NEDD4: variants seen among roughly 807,000 people sequenced by gnomAD.
The protein encoded by NEDD4 is E3 ubiquitin-protein ligase NEDD4.
NEDD4 carries 99 observed loss-of-function variants against 144.9 expected under a neutral mutation model. That is an observed-to-expected ratio of 0.68 (90% CI 0.58 to 0.81). The LOEUF is 0.81. Among genes scored for constraint, NEDD4 ranks in the 30% least tolerant of loss-of-function variants. NEDD4 has a pLI of 0.00. For missense variants in NEDD4, 985 were observed against 1,065.9 expected, an observed-to-expected ratio of 0.92 and a Z score of 1.06; for synonymous variants, 318 against 350.6, an observed-to-expected ratio of 0.91 and a Z score of 1.04.
intron 5 of NEDD4, among the ~76,000 whole-genome samples, chr15:55,879,897 G>A (rs561985464): frequency 1.3e-5 from 2 of 152,176 alleles, no homozygotes; most frequent in Non-Finnish European, 2.9e-5. Flanking sequence ...AGTCAACATC[G>A]AAATAATAGG....
chr15:55,946,197 G>A (rs1010325823), intron 4 of NEDD4, among the ~76,000 whole-genome samples: 4 of 152,150 alleles, frequency 2.6e-5, no homozygotes, highest in African/African-American at 7.2e-5. Context: ...CCCATTAAAA[G>A]ACACAGACTG....
At chr15:55,862,414 A>C (rs1324131032) in intron 9 of NEDD4, among the ~76,000 whole-genome samples, 1 of 152,176 alleles carries the variant, frequency 6.6e-6, no homozygotes, top group Non-Finnish European at 1.5e-5. Flanking sequence ...ATATGTTGAA[A>C]GTCATTCCGT....
chr15:55,852,615 C>T, intron 12 of NEDD4, 72 bp from the exon 13 acceptor site: 1 of 1,457,372 alleles, frequency 6.9e-7, no homozygotes, highest in Non-Finnish European at 9.4e-7. Context: ...CAAAAGTTCC[C>T]TCTGTCCCTA....
intron 19 of NEDD4, among the ~76,000 whole-genome samples, chr15:55,841,598 T>C (rs955602411): frequency 6.6e-6 from 1 of 152,160 alleles, no homozygotes; most frequent in Admixed American, 6.5e-5. Flanking sequence ...GTAACTTTTT[T>C]TTTTAGAGGA....
chr15:55,983,759 T>G (rs1169555574), intron 1 of NEDD4, among the ~76,000 whole-genome samples: 1 of 151,960 alleles, frequency 6.6e-6, no homozygotes, highest in Non-Finnish European at 1.5e-5. Flanking sequence ...TACAGGTATA[T>G]GCTACCATGC....
intron 5 of NEDD4, among the ~76,000 whole-genome samples, chr15:55,874,914 C>G (rs2034937283): frequency 6.6e-6 from 1 of 151,858 alleles, no homozygotes. Flanking sequence ...GCAGACGTTG[C>G]AGTGAGCCTG....
chr15:55,935,622 C>T (rs1004837616), intron 4 of NEDD4, among the ~76,000 whole-genome samples: 12 of 151,884 alleles, frequency 7.9e-5, no homozygotes, highest in South Asian at 2.1e-4. Flanking sequence ...CTGAGGCAGA[C>T]GGATCATGAG....
intron 1 of NEDD4, 84 bp downstream of exon 1, chr15:55,993,427 C>A (rs62045233): frequency 0.066 from 100,520 of 1,517,412 alleles, 3,770 homozygotes; most frequent in African/African-American, 0.16. Flanking sequence ...AGCCTCCGGT[C>A]GTGGCCGCCG....
chr15:55,852,371 G>A, intron 13 of NEDD4, 53 bp downstream of exon 13: 1 of 1,575,488 alleles, frequency 6.3e-7, no homozygotes, highest in South Asian at 1.2e-5. Flanking sequence ...GTTTACATAG[G>A]GATGTGACAG....
At chr15:55,855,354 C>G (rs1178022678) in intron 12 of NEDD4, among the ~76,000 whole-genome samples, 1 of 152,114 alleles carries the variant, frequency 6.6e-6, no homozygotes, top group South Asian at 2.1e-4. Flanking sequence ...TGCACACAGA[C>G]TCAGAAGCGG....
chr15:55,897,255 G>A (rs533807343), intron 5 of NEDD4, among the ~76,000 whole-genome samples: 1 of 152,190 alleles, frequency 6.6e-6, no homozygotes, highest in African/African-American at 2.4e-5. Context: ...TTACAGGCGT[G>A]AGCCACTGCG....
intron 16 of NEDD4, 26 bp downstream of exon 16, chr15:55,848,495 A>G (rs368765924): frequency 1.1e-5 from 17 of 1,613,038 alleles, no homozygotes; most frequent in East Asian, 6.7e-5. Flanking sequence ...AAAAAATAAC[A>G]TAATGAAAAA....
intron 2 of NEDD4, among the ~76,000 whole-genome samples, chr15:55,954,523 GT>G (rs2037301874): frequency 1.3e-5 from 2 of 149,606 alleles, no homozygotes; most frequent in Non-Finnish European, 3.0e-5. Context: ...GTGTTCAAGA[GT>G]TTTGCCTTTT....
At chr15:55,837,944 G>A (rs2033288368) in intron 23 of NEDD4, 95 bp from the exon 24 acceptor site, 2 of 1,073,714 alleles carry the variant, frequency 1.9e-6, no homozygotes, top group Non-Finnish European at 2.8e-6. Flanking sequence ...GGCTAGCTGA[G>A]ACCAAGGTAA....
At chr15:55,927,031 G>A (rs914478259) in intron 4 of NEDD4, among the ~76,000 whole-genome samples, 13 of 144,376 alleles carry the variant, frequency 9.0e-5, no homozygotes, top group African/African-American at 2.3e-4. Flanking sequence ...AACCAAGATC[G>A]TGCCGCCGCA....
intron 5 of NEDD4, among the ~76,000 whole-genome samples, chr15:55,906,586 A>G (rs1411678217): frequency 1.3e-4 from 19 of 151,478 alleles, no homozygotes; most frequent in African/African-American, 3.6e-4. Flanking sequence ...GAACAATGAG[A>G]ACACTTGGAC....
chr15:55,964,650 G>GGTGTGT (rs60902586), intron 2 of NEDD4, among the ~76,000 whole-genome samples: 7 of 144,308 alleles, frequency 4.9e-5, no homozygotes, highest in Non-Finnish European at 7.5e-5. Flanking sequence ...TTTTGCTGCT[G>GGTGTGT]GTGTGTGTGT....
Position 55,834,296 on chromosome 15 carries a change from A to G in NEDD4, c.2263-10T>C. The G allele has an allele frequency of 6.3e-7, 1 of 1,589,716 alleles. No homozygotes were observed. Among genetic ancestry groups the G allele is most frequent in the Non-Finnish European group, 8.6e-7 (1 of 1,160,044 alleles). On this transcript the variant is annotated splice_polypyrimidine_tract_variant and intron_variant, in intron 24 of 28. Coordinates refer to ENST00000435532, the MANE Select transcript of NEDD4 (RefSeq NM_006154.4). ...TTAGTTCAAAGAATCCCTAGAAAAAAGATGTATTTAAAAACTTGATGGGCA... is the reference window on the plus strand; with the variant it reads ...TTAGTTCAAAGAATCCCTAGAAAAAGGATGTATTTAAAAACTTGATGGGCA...
chr15:55,943,029 A>T (rs1305368104), intron 4 of NEDD4, among the ~76,000 whole-genome samples: 1 of 152,202 alleles, frequency 6.6e-6, no homozygotes, highest in African/African-American at 2.4e-5. Context: ...CTGCTCTAGA[A>T]ATCTGTGGAA....
Sources: allele counts gnomAD v4.1 joint callset (sites outside exome capture counted in the v4.1 genomes callset), GRCh38; gene constraint gnomAD v4.1.1; transcripts MANE v1.5; gene names NCBI Gene and HGNC (gene_info 2026-07-23, HGNC 2026-07-21).